MAP3K12: variants seen among roughly 807,000 people sequenced by gnomAD.
The protein encoded by MAP3K12 is MAPK-upstream kinase.
A neutral mutation model predicts 87.5 loss-of-function variants in MAP3K12; 14 were observed. The observed-to-expected ratio is 0.16, with a 90% CI of 0.11 to 0.25. The LOEUF (loss-of-function observed/expected upper bound fraction) is 0.25. Ranked by LOEUF, MAP3K12 falls within the 10% of genes least tolerant of loss-of-function variation. The pLI, the probability that MAP3K12 is intolerant of heterozygous loss-of-function variation, is 1.00. For missense variants in MAP3K12, 802 were observed against 1,140.4 expected, an observed-to-expected ratio of 0.70 and a Z score of 4.27; for synonymous variants, 469 against 452.5, an observed-to-expected ratio of 1.04 and a Z score of -0.46.
At chr12:53,481,525 CTTTTAATAGAGATGGG>C (rs958253326) in intron 13 of MAP3K12, 2 of 288,878 alleles carry the variant, frequency 6.9e-6, no homozygotes, top group Non-Finnish European at 1.3e-5. Context: ...AATTTTTGTA[CTTTTAATAGAGATGGG>C]GTTTTACCAT....
intron 6 of MAP3K12, chr12:53,484,698 C>T: frequency 2.3e-6 from 1 of 442,378 alleles, no homozygotes; most frequent in Admixed American, 4.0e-5. Flanking sequence ...GTCTAGGTTC[C>T]AAATGAGGGT....
Position 53,481,133 on chromosome 12 carries a change from ATAT to A in MAP3K12, c.*46_*48del. On this transcript the variant is annotated 3_prime_UTR_variant, in exon 14 of 14. Coordinates refer to ENST00000547488, the MANE Select transcript of MAP3K12 (RefSeq NM_001193511.2). ...CATATATATATATATATGTATATAT[ATAT>A]AATTTATATAAATATTTCTCTATGT... The A allele has an allele frequency of 1.4e-6, 1 of 716,696 alleles. No homozygotes were observed. Among genetic ancestry groups the A allele is most frequent in the Non-Finnish European group, 1.9e-6 (1 of 530,696 alleles). 44.4% of individuals were successfully genotyped at this position (716,696 alleles called of 1,614,324 possible). A position where few individuals can be genotyped will look rare whatever the true frequency, so the allele number is the denominator to read the frequency against.
At chr12:53,482,451 C>G (rs1274598689) in intron 11 of MAP3K12, 82 bp from the exon 12 acceptor site, 3 of 1,606,440 alleles carry the variant, frequency 1.9e-6, no homozygotes, top group African/African-American at 1.3e-5. Flanking sequence ...AACATAGTTA[C>G]GAAGGGTGAA....
At chr12:53,501,141 G>A (rs1413925448), upstream of MAP3K12, 3 of 550,116 alleles carry the variant, frequency 5.5e-6, no homozygotes. Flanking sequence ...GCCTTCTCGA[G>A]AAGCGACGGC....
At position 53,483,171 on chromosome 12, in the gene MAP3K12, C is replaced by T. The variant is rs757861359; in HGVS notation, c.1632G>A (p.Thr544=). 26 of 1,521,112 alleles carry T rather than the reference C, an allele frequency of 1.7e-5. No individual in the cohort carries two copies. The highest frequency in any genetic ancestry group is 2.7e-5 in the South Asian group (2 of 75,000). 94.2% of individuals were successfully genotyped at this position (1,521,112 alleles called of 1,614,324 possible). The change falls in exon 11 of 14, where the codon ACG becomes ACA. Residue 544 remains threonine (T), a synonymous_variant. Transcript: ENST00000547488. ...CATCTAGTTTAGGGAGCAAAGACTC[C>T]GTCTTGAGGATATCTGGCCTGGAAG... ...PHSKRPDILK[T]ESLLPKLDAA... is the part of the protein sequence containing the mutation.
Position 53,482,977 on chromosome 12 carries a change from C to T in MAP3K12, c.1826G>A (p.Ser609Asn), listed in dbSNP as rs960741957. Residue 609 changes from serine (S) to asparagine (N), a missense_variant, in exon 11 of 14, where the codon AGC becomes AAC. Ser to Asn is a conservative substitution (Grantham distance 46, BLOSUM62 1). Transcript: ENST00000547488. ...VPPHEPGGPG[S>N]PGGLGGGPSA... is the part of the protein sequence containing the mutation. ...GGGTCCCCCTCCTAGGCCCCCTGGG[C>T]TTCCTGGTCCTCCAGGTTCATGGGG... The T allele has an allele frequency of 2.5e-6, 4 of 1,580,418 alleles. No individual in the cohort carries two copies. The African/African-American group carries it at 5.4e-5, about 21-fold the overall frequency.
At chr12:53,495,729 G>A (rs1943536233) in intron 1 of MAP3K12, among the ~76,000 whole-genome samples, 1 of 151,992 alleles carries the variant, frequency 6.6e-6, no homozygotes, top group African/African-American at 2.4e-5. Flanking sequence ...CCGCAGTCCT[G>A]GCCCCAGGAT....
At chr12:53,493,489 G>A (rs1943472171) in intron 1 of MAP3K12, among the ~76,000 whole-genome samples, 1 of 152,150 alleles carries the variant, frequency 6.6e-6, no homozygotes, top group Non-Finnish European at 1.5e-5. Flanking sequence ...CAGAAAAGGC[G>A]AAAGGTACAG....
At chr12:53,492,146 A>T (rs1018387333) in intron 1 of MAP3K12, among the ~76,000 whole-genome samples, 1 of 151,752 alleles carries the variant, frequency 6.6e-6, no homozygotes, top group African/African-American at 2.4e-5. Flanking sequence ...GGCGCTTCTC[A>T]TCTCTATCCA....
Position 53,485,179 on chromosome 12 carries a change from C to G in MAP3K12, c.1016G>C (p.Gly339Ala). Residue 339 changes from glycine to alanine, a missense_variant, in exon 6 of 14, where the codon GGT becomes GCT. Physicochemically the swap from Gly to Ala is moderately conservative, Grantham distance 60. Transcript: ENST00000547488. ...ATCTACGTCTTTGTAGGGGATCTCACCAGTCAGCAGTTCCCATAGCACCAC... is the reference window on the plus strand; with the variant it reads ...ATCTACGTCTTTGTAGGGGATCTCAGCAGTCAGCAGTTCCCATAGCACCAC... ...FGVVLWELLT[G>A]EIPYKDVDSS... 6.2e-7 allele frequency: 1 copy of G among 1,613,830 alleles called. No homozygotes were observed.
At chr12:53,496,207 T>C (rs1029624737) in intron 1 of MAP3K12, among the ~76,000 whole-genome samples, 1 of 152,188 alleles carries the variant, frequency 6.6e-6, no homozygotes, top group African/African-American at 2.4e-5. Context: ...CAGGATAAAC[T>C]GTGATTTCAG....
intron 1 of MAP3K12, among the ~76,000 whole-genome samples, chr12:53,488,580 A>G (rs761080916): frequency 4.0e-5 from 6 of 151,020 alleles, no homozygotes; most frequent in Non-Finnish European, 5.9e-5. Flanking sequence ...AGAATTGCTT[A>G]AACCCGGGAG....
intron 1 of MAP3K12, among the ~76,000 whole-genome samples, chr12:53,498,756 G>A (rs1428316160): frequency 6.6e-6 from 1 of 151,970 alleles, no homozygotes; most frequent in Non-Finnish European, 1.5e-5. Flanking sequence ...GGGGAGGGGA[G>A]GATGCAACAG....
In MAP3K12 at chr12:53,488,542, T is replaced by A. The variant is rs374569004; in HGVS notation, c.-37-1114A>T. On this transcript the variant is annotated intron_variant, in intron 1 of 13. Coordinates refer to ENST00000547488, the MANE Select transcript of MAP3K12 (RefSeq NM_001193511.2). ...TAGGCGTGGTGGCACATGCCTGTAA[T>A]CCCAGCTACTTGGGAGGCTGAGGCA... 3.7e-3 allele frequency among the ~76,000 whole-genome samples: 564 copies of A among 152,214 alleles called. 5 individuals carry two copies. Among genetic ancestry groups the A allele is most frequent in the Middle Eastern group, 0.034 (10 of 294 alleles).
intron 1 of MAP3K12, among the ~76,000 whole-genome samples, chr12:53,498,076 A>G (rs1943577467): frequency 6.6e-6 from 1 of 152,136 alleles, no homozygotes; most frequent in Non-Finnish European, 1.5e-5. Context: ...CCATGTTGAG[A>G]GCTGGGGTTT....
chr12:53,485,771 T>A, intron 4 of MAP3K12: 1 of 515,528 alleles, frequency 1.9e-6, no homozygotes, highest in Non-Finnish European at 3.4e-6. Context: ...TTGGCCAGGA[T>A]GGTCTCGATC....
chr12:53,494,976 G>A (rs986690486), intron 1 of MAP3K12, among the ~76,000 whole-genome samples: 10 of 151,970 alleles, frequency 6.6e-5, no homozygotes, highest in African/African-American at 2.2e-4. Context: ...AACCTCCTGG[G>A]CTCAAGTGAT....
intron 11 of MAP3K12, 63 bp downstream of exon 11, chr12:53,482,502 G>C: frequency 5.0e-6 from 8 of 1,602,338 alleles, no homozygotes; most frequent in Middle Eastern, 1.8e-4. Context: ...TGGGGGATTA[G>C]ACTTGGACCC....
chr12:53,493,301 C>T (rs1943467324), intron 1 of MAP3K12, among the ~76,000 whole-genome samples: 1 of 152,078 alleles, frequency 6.6e-6, no homozygotes, highest in South Asian at 2.1e-4. Flanking sequence ...ATCTTAGGTG[C>T]GGACCCCCAC....
Sources: gnomAD v4.1 joint callset for allele counts (sites outside exome capture counted in the v4.1 genomes callset) on GRCh38, gnomAD v4.1.1 for gene constraint, MANE v1.5 for transcripts, NCBI Gene and HGNC (gene_info 2026-07-23, HGNC 2026-07-21) for gene names.